ZNF81: variants seen among roughly 807,000 people sequenced by gnomAD.
ZNF81 encodes zinc finger protein 81.
A neutral mutation model predicts 32.3 loss-of-function variants in ZNF81; 5 were observed. The observed-to-expected ratio is 0.15, with a 90% CI of 0.08 to 0.33. The LOEUF is 0.33. ZNF81 is among the 10% of genes least tolerant of loss of function. ZNF81 has a pLI of 1.00. For missense variants in ZNF81, 379 were observed against 479.8 expected, an observed-to-expected ratio of 0.79 and a Z score of 1.96; for synonymous variants, 163 against 166.8, an observed-to-expected ratio of 0.98 and a Z score of 0.17.
chrX:47,858,816 C>T (rs1021741184), intron 2 of ZNF81, among the ~76,000 whole-genome samples: 1 of 111,496 alleles, frequency 9.0e-6, no homozygotes, highest in African/African-American at 3.3e-5. Context: ...GTCGGCTGGG[C>T]GTGGTGGCTC....
chrX:47,886,450 G>C (rs906468263), intron 2 of ZNF81, among the ~76,000 whole-genome samples: 8 of 111,296 alleles, frequency 7.2e-5, no homozygotes, highest in African/African-American at 2.6e-4. Context: ...GATCTGGGCA[G>C]AGTTCATTCA....
intron 2 of ZNF81, among the ~76,000 whole-genome samples, chrX:47,862,276 C>T (rs180749137): frequency 3.7e-4 from 41 of 110,463 alleles, no homozygotes; most frequent in African/African-American, 1.3e-3. Flanking sequence ...GCCTGTAATC[C>T]CAGCACTTTG....
chrX:47,857,265 C>G (rs2058521101), intron 2 of ZNF81, among the ~76,000 whole-genome samples: 1 of 109,920 alleles, frequency 9.1e-6, no homozygotes, highest in Admixed American at 9.7e-5. Context: ...GATGATGAAG[C>G]AAAGAAAAAA....
In ZNF81 at chrX:47,859,295, C is replaced by T; in HGVS notation, c.54+12974C>T. On this transcript the variant is annotated intron_variant, in intron 2 of 4. Coordinates refer to ENST00000338637, the MANE Select transcript of ZNF81 (RefSeq NM_007137.5). The stretch of plus-strand genomic sequence containing the variant: ...ATTCTTTTATTAGTTTTCCTTCAGC[C>T]TTGTATTTGAAGGCTTATCAGTTCA... Among the ~76,000 whole-genome samples, 2 of 110,850 alleles carry T rather than the reference C, an allele frequency of 1.8e-5. 1 individual carries two copies. The highest frequency in any genetic ancestry group is 9.5e-3 in the Middle Eastern group (2 of 211).
intron 4 of ZNF81, among the ~76,000 whole-genome samples, chrX:47,911,379 CCT>C (rs1556889900): frequency 0.093 from 10,211 of 110,049 alleles, 1,246 homozygotes; most frequent in African/African-American, 0.33. Flanking sequence ...ATGAAATGGC[CCT>C]TACCTACTCC....
chrX:47,890,674 C>G (rs960031851), intron 3 of ZNF81, among the ~76,000 whole-genome samples: 3 of 111,836 alleles, frequency 2.7e-5, no homozygotes, highest in African/African-American at 9.8e-5. Flanking sequence ...GTTCTGGTCC[C>G]CACTGAAAAC....
intron 3 of ZNF81, among the ~76,000 whole-genome samples, chrX:47,894,956 G>A (rs1460029544): frequency 8.9e-6 from 1 of 111,748 alleles, no homozygotes; most frequent in Non-Finnish European, 1.9e-5. Context: ...TTATTTGGAT[G>A]AATTAGATGA....
chrX:47,862,161 T>TA (rs1266809754), intron 2 of ZNF81, among the ~76,000 whole-genome samples: 1 of 111,294 alleles, frequency 9.0e-6, no homozygotes, highest in Non-Finnish European at 1.9e-5. Flanking sequence ...TGCAGGTCTC[T>TA]AATGAGCCCC....
chrX:47,915,705 T>C lies in ZNF81; in HGVS notation c.1059T>C (p.Thr353=). 1 of 1,210,907 alleles carries C rather than the reference T, an allele frequency of 8.3e-7. No individual in the cohort carries two copies. Among genetic ancestry groups the C allele is most frequent in the Non-Finnish European group, 1.1e-6 (1 of 895,176 alleles). ...TAATTATGCATGAGAAAACTCATAC[T>C]AGAGAGAAACCCTATAAATGCAATG... ...SELIMHEKTH[T]REKPYKCNEC... is the part of the protein sequence containing the mutation. The change falls in exon 5 of 5, where the codon ACT becomes ACC. Residue 353 remains threonine (T), a synonymous_variant. Transcript: ENST00000338637.
Position 47,917,885 on chromosome X carries a change from TG to T in ZNF81, c.*1255del, listed in dbSNP as rs1224081564. 1 of 111,067 alleles carries T rather than the reference TG, an allele frequency of 9.0e-6. No individual in the cohort carries two copies. Among genetic ancestry groups the T allele is most frequent in the Non-Finnish European group, 1.9e-5 (1 of 52,993 alleles). 9.2% of individuals were successfully genotyped at this position (111,067 alleles called of 1,213,427 possible). A position where few individuals can be genotyped will look rare whatever the true frequency, so the allele number is the denominator to read the frequency against. On this transcript the variant is annotated 3_prime_UTR_variant, in exon 5 of 5. Coordinates refer to ENST00000338637, the MANE Select transcript of ZNF81 (RefSeq NM_007137.5). Reference sequence around the variant, plus strand: ...TGGACCAAAACGTGACAAGTGGCATTGGCTTTGGGTCTGAGTGGCACGTAGA... The same window carrying T: ...TGGACCAAAACGTGACAAGTGGCATTGCTTTGGGTCTGAGTGGCACGTAGA...
chrX:47,900,105 A>G (rs1377247951), intron 4 of ZNF81, among the ~76,000 whole-genome samples: 3 of 111,473 alleles, frequency 2.7e-5, no homozygotes, highest in African/African-American at 9.8e-5. Flanking sequence ...AAAGAGATTT[A>G]AAAATTTATA....
At chrX:47,904,184 T>C (rs1347605263) in intron 4 of ZNF81, among the ~76,000 whole-genome samples, 1 of 111,681 alleles carries the variant, frequency 9.0e-6, no homozygotes, top group Non-Finnish European at 1.9e-5. Flanking sequence ...CCAAAAGCAA[T>C]GGCAACAACA....
At chrX:47,912,653 A>G (rs2058742925) in intron 4 of ZNF81, among the ~76,000 whole-genome samples, 1 of 109,257 alleles carries the variant, frequency 9.2e-6, no homozygotes, top group South Asian at 4.1e-4. Context: ...CTTCCAACAC[A>G]CATTACTCCA....
At chrX:47,855,159 T>C (rs201360920) in intron 2 of ZNF81, among the ~76,000 whole-genome samples, 2 of 48,003 alleles carry the variant, frequency 4.2e-5, no homozygotes, top group East Asian at 2.5e-3. Flanking sequence ...ATCAAAAAAA[T>C]AAATAAATTA....
rs1556890613 is a variant in ZNF81 at position 47,915,653 on chromosome X, GGAA to G, written c.1009_1011del (p.Lys337del). The G allele has an allele frequency of 1.7e-6, 2 of 1,209,865 alleles. No homozygotes were observed. Among genetic ancestry groups the G allele is most frequent in the South Asian group, 3.5e-5 (2 of 56,705 alleles). ...AAACTCTACATATGTACTAAATGTGGGAAGGCCTTCATCCAGAATTCAGAATTA... is the reference window on the plus strand; with the variant it reads ...AAACTCTACATATGTACTAAATGTGGGGCCTTCATCCAGAATTCAGAATTA... On this transcript the variant is annotated inframe_deletion, in exon 5 of 5. Coordinates refer to ENST00000338637, the MANE Select transcript of ZNF81 (RefSeq NM_007137.5).
At chrX:47,882,862 A>G (rs1556885315) in intron 2 of ZNF81, among the ~76,000 whole-genome samples, 2 of 112,163 alleles carry the variant, frequency 1.8e-5, no homozygotes, top group African/African-American at 6.5e-5. Flanking sequence ...GTGGTGGCAC[A>G]CGCCTGTAAT....
intron 1 of ZNF81, among the ~76,000 whole-genome samples, chrX:47,842,406 T>C (rs2058453442): frequency 9.0e-6 from 1 of 111,267 alleles, no homozygotes; most frequent in African/African-American, 3.3e-5. Flanking sequence ...TTCCTGTTGA[T>C]GGTTCTGAGT....
intron 2 of ZNF81, among the ~76,000 whole-genome samples, chrX:47,863,092 C>T (rs1426622836): frequency 9.0e-6 from 1 of 111,396 alleles, no homozygotes; most frequent in African/African-American, 3.3e-5. Flanking sequence ...GGACAGCAAG[C>T]CTTATCTAAG....
intron 4 of ZNF81, among the ~76,000 whole-genome samples, chrX:47,913,617 G>A (rs2058746403): frequency 8.9e-6 from 1 of 111,869 alleles, no homozygotes; most frequent in African/African-American, 3.2e-5. Context: ...ACTATGTATT[G>A]AGCCAGCTCC....
Sources: allele counts gnomAD v4.1 joint callset (sites outside exome capture counted in the v4.1 genomes callset), GRCh38; gene constraint gnomAD v4.1.1; transcripts MANE v1.5; gene names NCBI Gene and HGNC (gene_info 2026-07-23, HGNC 2026-07-21).